Variants in NELL1 observed in about 807,000 individuals in gnomAD.
The protein encoded by NELL1 is protein kinase C-binding protein NELL1.
NELL1 carries 76 observed loss-of-function variants against 107.4 expected under a neutral mutation model. The observed-to-expected ratio is 0.71, with a 90% CI of 0.59 to 0.86. NELL1 has a LOEUF of 0.86. Among genes scored for constraint, NELL1 ranks in the 40% least tolerant of loss-of-function variants. NELL1 has a pLI of 0.00. For missense variants in NELL1, 1,024 were observed against 1,005.5 expected, an observed-to-expected ratio of 1.02 and a Z score of -0.25; for synonymous variants, 353 against 341.2, an observed-to-expected ratio of 1.03 and a Z score of -0.38.
intron 3 of NELL1, among the ~76,000 whole-genome samples, chr11:20,818,182 G>T (rs540431965): frequency 6.6e-6 from 1 of 152,080 alleles, no homozygotes; most frequent in Non-Finnish European, 1.5e-5. Flanking sequence ...TATCAGTGGA[G>T]TGAAGTCCCC....
intron 15 of NELL1, among the ~76,000 whole-genome samples, chr11:21,420,687 A>G (rs987669847): frequency 1.3e-5 from 2 of 152,150 alleles, no homozygotes; most frequent in Admixed American, 6.5e-5. Flanking sequence ...CCCTGTCATC[A>G]GAAGACTGGA....
chr11:21,057,824 A>G (rs1394911540), intron 12 of NELL1, among the ~76,000 whole-genome samples: 1 of 152,108 alleles, frequency 6.6e-6, no homozygotes, highest in African/African-American at 2.4e-5. Context: ...TAACTTTTCT[A>G]TAATGACCAT....
At chr11:21,271,108 C>T (rs533600971) in intron 14 of NELL1, among the ~76,000 whole-genome samples, 1 of 151,786 alleles carries the variant, frequency 6.6e-6, no homozygotes, top group South Asian at 2.1e-4. Flanking sequence ...AAAATTAGAT[C>T]CAAAATAAGC....
At chr11:21,113,237 C>T (rs1855148016) in intron 12 of NELL1, among the ~76,000 whole-genome samples, 1 of 152,008 alleles carries the variant, frequency 6.6e-6, no homozygotes, top group Non-Finnish European at 1.5e-5. Context: ...GTACTGTGGA[C>T]ACCTAATAAA....
At chr11:21,327,323 T>C (rs1229869466) in intron 14 of NELL1, among the ~76,000 whole-genome samples, 1 of 151,372 alleles carries the variant, frequency 6.6e-6, no homozygotes, top group African/African-American at 2.4e-5. Flanking sequence ...TGTGCACATG[T>C]ACCCTAAAAC....
chr11:21,172,226 T>G (rs529052457), intron 13 of NELL1, among the ~76,000 whole-genome samples: 4 of 152,006 alleles, frequency 2.6e-5, no homozygotes, highest in Admixed American at 2.6e-4. Context: ...GTCTCCTTCT[T>G]TAGATTCTAA....
At chr11:20,867,082 C>T (rs1849109563) in intron 4 of NELL1, among the ~76,000 whole-genome samples, 1 of 152,146 alleles carries the variant, frequency 6.6e-6, no homozygotes, top group Non-Finnish European at 1.5e-5. Context: ...CATAAACCCA[C>T]AACTCCAAGA....
At chr11:20,922,928 T>A (rs962498924) in intron 7 of NELL1, among the ~76,000 whole-genome samples, 1 of 152,060 alleles carries the variant, frequency 6.6e-6, no homozygotes, top group Admixed American at 6.6e-5. Flanking sequence ...ATTCAATAGG[T>A]GGTGGCTGCT....
intron 12 of NELL1, among the ~76,000 whole-genome samples, chr11:20,978,433 T>TG (rs1159321839): frequency 1.4e-5 from 2 of 147,136 alleles, no homozygotes; most frequent in African/African-American, 5.0e-5. Context: ...TTTGTCTTCA[T>TG]GAAAAAAAAA....
chr11:20,676,564 T>A (rs1429562228), intron 1 of NELL1, among the ~76,000 whole-genome samples: 3 of 152,334 alleles, frequency 2.0e-5, no homozygotes, highest in African/African-American at 7.2e-5. Flanking sequence ...AGACATTTTG[T>A]CTGCCTTGGC....
intron 4 of NELL1, among the ~76,000 whole-genome samples, chr11:20,856,078 C>T (rs1366962105): frequency 6.6e-6 from 1 of 152,222 alleles, no homozygotes; most frequent in Non-Finnish European, 1.5e-5. Context: ...TTTATAGCTG[C>T]ATCTGCTCAG....
intron 15 of NELL1, among the ~76,000 whole-genome samples, chr11:21,450,728 C>G (rs1014715348): frequency 3.9e-5 from 6 of 152,080 alleles, no homozygotes; most frequent in Admixed American, 3.9e-4. Context: ...AAGGGTGGAA[C>G]TGCATACAGT....
chr11:21,461,959 G>A (rs1272579664), intron 15 of NELL1, among the ~76,000 whole-genome samples: 1 of 152,088 alleles, frequency 6.6e-6, no homozygotes, highest in African/African-American at 2.4e-5. Flanking sequence ...AACCAAAGAA[G>A]CAGAGCCAAA....
At chr11:20,788,488 G>A (rs1426262208) in intron 3 of NELL1, among the ~76,000 whole-genome samples, 4 of 152,218 alleles carry the variant, frequency 2.6e-5, no homozygotes, top group East Asian at 1.9e-4. Flanking sequence ...GCTTATTGAC[G>A]ATTTGTGTAT....
intron 14 of NELL1, among the ~76,000 whole-genome samples, chr11:21,252,871 T>C (rs896523822): frequency 5.3e-5 from 8 of 152,142 alleles, no homozygotes; most frequent in Non-Finnish European, 1.0e-4. Flanking sequence ...AAACATGGTT[T>C]TGCATTCTGT....
At chr11:21,332,919 G>A (rs1850304398) in intron 14 of NELL1, among the ~76,000 whole-genome samples, 1 of 151,962 alleles carries the variant, frequency 6.6e-6, no homozygotes, top group African/African-American at 2.4e-5. Flanking sequence ...TTTGGTATAA[G>A]TTATAAGATG....
rs546386058 is a variant in NELL1 at position 21,434,473 on chromosome 11, G to A, written c.1645+63525G>A. 1.6e-4 allele frequency among the ~76,000 whole-genome samples: 24 copies of A among 152,062 alleles called. No homozygotes were observed. The East Asian group carries it at 3.7e-3, about 23-fold the overall frequency. On this transcript the variant is annotated intron_variant, in intron 15 of 19. Coordinates refer to ENST00000357134, the MANE Select transcript of NELL1 (RefSeq NM_006157.5). Reference sequence around the variant, plus strand: ...GCCCTTTACCCAATATATATTCTTGGTGTCTTTGTCTAAAATCAGATGATT... The same window carrying A: ...GCCCTTTACCCAATATATATTCTTGATGTCTTTGTCTAAAATCAGATGATT...
At chr11:21,289,051 G>A (rs12419380) in intron 14 of NELL1, among the ~76,000 whole-genome samples, 1 of 152,174 alleles carries the variant, frequency 6.6e-6, no homozygotes, top group Non-Finnish European at 1.5e-5. Context: ...GATCAAATTA[G>A]GCAATAATAG....
intron 13 of NELL1, among the ~76,000 whole-genome samples, chr11:21,223,973 C>A (rs1565118665): frequency 6.6e-6 from 1 of 152,136 alleles, no homozygotes; most frequent in Non-Finnish European, 1.5e-5. Flanking sequence ...TCTTTCATCA[C>A]TTTAAATGTA....
Sources: gnomAD v4.1 joint callset for allele counts (sites outside exome capture counted in the v4.1 genomes callset) on GRCh38, gnomAD v4.1.1 for gene constraint, MANE v1.5 for transcripts, NCBI Gene and HGNC (gene_info 2026-07-23, HGNC 2026-07-21) for gene names.